ZNF177: variants seen among roughly 807,000 people sequenced by gnomAD.
The protein encoded by ZNF177 is zinc finger protein 177.
In ZNF177, 17 loss-of-function variants were observed where a neutral mutation model predicts 19.4. The observed-to-expected ratio is 0.87, with a 90% CI of 0.60 to 1.31. The LOEUF (loss-of-function observed/expected upper bound fraction) is 1.31, where lower values mean the gene tolerates loss of function less well. ZNF177 is among the 40% of genes most tolerant of loss of function. The probability of loss-of-function intolerance (pLI) is 0.00; values close to 1 mark genes in which losing one functional copy is unlikely to be tolerated. For missense variants in ZNF177, 633 were observed against 561.8 expected (o/e 1.13, Z -1.28); for synonymous variants, 220 against 188.7 (o/e 1.17, Z -1.36).
chr19:9,380,168 C>A, intron 5 of ZNF177, 29 bp downstream of exon 7: 1 of 1,581,044 alleles, frequency 6.3e-7, no homozygotes, highest in Non-Finnish European at 8.6e-7. Context: ...TATTCCTGGT[C>A]TTTGTAGTAG....
chr19:9,372,785 A>G (rs1341931633), upstream of ZNF177, among the ~76,000 whole-genome samples: 3 of 151,746 alleles, frequency 2.0e-5, no homozygotes, highest in African/African-American at 7.3e-5. Context: ...GACCTCAAGC[A>G]ATCCACCCAC....
intron 2 of ZNF177, among the ~76,000 whole-genome samples, chr19:9,369,839 A>T (rs935928104): frequency 1.3e-5 from 2 of 152,124 alleles, no homozygotes; most frequent in African/African-American, 2.4e-5. Flanking sequence ...GTGAGTCCCC[A>T]GTGGAAGAAT....
chr19:9,375,784 C>T (rs1378661773), upstream of ZNF177, among the ~76,000 whole-genome samples: 2 of 152,014 alleles, frequency 1.3e-5, no homozygotes, highest in Admixed American at 6.6e-5. Context: ...TCAGTTTCAT[C>T]GATCTTTTCT....
At position 9,365,394 on chromosome 19, in the gene ZNF177, GAC is replaced by G. The variant is rs576081126; in HGVS notation, c.-305+450_-305+451del. On this transcript the variant is annotated intron_variant, in intron 2 of 8. Coordinates refer to the ZNF177 transcript ENST00000343499. ...TCCAGAAAAGCAGAGAAGGGGTAGA[GAC>G]ACAGAGAGAAGGGACCGGGGGGTTC... is the stretch of plus-strand genomic sequence containing the variant. Among the ~76,000 whole-genome samples the G allele has an allele frequency of 1.5e-4, 23 of 151,954 alleles. No homozygotes were observed. In the South Asian group the frequency reaches 4.8e-3, roughly 32 times the overall value.
chr19:9,364,671 C>T (rs2067953582), intron 1 of ZNF177, among the ~76,000 whole-genome samples, 191 bp from the exon 2 acceptor site: 1 of 152,010 alleles, frequency 6.6e-6, no homozygotes, highest in African/African-American at 2.4e-5. Context: ...ACTGGAGATG[C>T]AAAGTAAAAA....
chr19:9,377,534 C>T (rs772941115), intron 1 of ZNF177, among the ~76,000 whole-genome samples: 30 of 152,116 alleles, frequency 2.0e-4, no homozygotes, highest in Non-Finnish European at 3.2e-4. Context: ...TACTCAAGAT[C>T]CTAACCCTAT....
intron 2 of ZNF177, among the ~76,000 whole-genome samples, chr19:9,371,161 G>T (rs116692747): frequency 0.011 from 1,731 of 152,148 alleles, 18 homozygotes; most frequent in African/African-American, 0.017. Context: ...TCTCTAGTTG[G>T]TTCATCACCA....
At chr19:9,380,748 A>G in exon 6 of ZNF177, 3 of 1,536,126 alleles carry the variant, frequency 2.0e-6, no homozygotes, top group Non-Finnish European at 2.6e-6. Context: ...TTATTTGTAC[A>G]AGATATTGCA....
intron 1 of ZNF177, among the ~76,000 whole-genome samples, chr19:9,364,502 G>A (rs184540805): frequency 6.6e-6 from 1 of 152,072 alleles, no homozygotes; most frequent in African/African-American, 2.4e-5. Flanking sequence ...TCTTTTTGTC[G>A]TGTCGGTGTC....
At chr19:9,381,136 T>C (rs1240587380) in exon 6 of ZNF177, 3 of 1,614,108 alleles carry the variant, frequency 1.9e-6, no homozygotes, top group Admixed American at 1.7e-5. Context: ...CACTGACCCT[T>C]TGTCCCTTCA....
chr19:9,380,491 T>C, intron 5 of ZNF177, 177 bp from the exon 8 acceptor site: 1 of 1,270,570 alleles, frequency 7.9e-7, no homozygotes, highest in Non-Finnish European at 1.1e-6. Flanking sequence ...AGGAGTGAGC[T>C]TATTCAACTC....
chr19:9,378,559 T>A, intron 2 of ZNF177: 1 of 756,654 alleles, frequency 1.3e-6, no homozygotes, highest in South Asian at 1.9e-5. Context: ...TTTTTGAGTA[T>A]GAATTCCATA....
At chr19:9,364,352 T>C (rs1180167083) in intron 1 of ZNF177, among the ~76,000 whole-genome samples, 1 of 152,164 alleles carries the variant, frequency 6.6e-6, no homozygotes, top group Non-Finnish European at 1.5e-5. Context: ...AAGTTTGTGA[T>C]ATGACTGTGA....
intron 2 of ZNF177, among the ~76,000 whole-genome samples, chr19:9,369,015 A>G (rs901252670): frequency 6.6e-6 from 1 of 152,064 alleles, no homozygotes; most frequent in Non-Finnish European, 1.5e-5. Flanking sequence ...TAAGGGGCCC[A>G]TGAGATGTTT....
At chr19:9,369,963 A>C (rs1256044984) in intron 2 of ZNF177, among the ~76,000 whole-genome samples, 3 of 152,118 alleles carry the variant, frequency 2.0e-5, no homozygotes, top group Non-Finnish European at 4.4e-5. Context: ...TTATATAATA[A>C]AGGTTTGCTT....
At chr19:9,370,129 A>G (rs563964678) in intron 2 of ZNF177, among the ~76,000 whole-genome samples, 1 of 152,062 alleles carries the variant, frequency 6.6e-6, no homozygotes, top group African/African-American at 2.4e-5. Context: ...TTGACTCTCC[A>G]TTTATTTTTC....
At chr19:9,376,025 G>A (rs562374674), upstream of ZNF177, among the ~76,000 whole-genome samples, 118 of 151,998 alleles carry the variant, frequency 7.8e-4, no homozygotes, top group African/African-American at 2.6e-3. Flanking sequence ...TTTTACTTTC[G>A]GGCTACATGC....
chr19:9,379,970 G>A, intron 4 of ZNF177, 87 bp from the exon 7 acceptor site: 2 of 1,457,528 alleles, frequency 1.4e-6, no homozygotes, highest in Non-Finnish European at 1.8e-6. Flanking sequence ...GATATTATTT[G>A]AAAACAAATC....
intron 1 of ZNF177, chr19:9,363,351 C>G (rs969836496): frequency 1.3e-5 from 2 of 152,246 alleles, no homozygotes; most frequent in African/African-American, 4.8e-5. Flanking sequence ...TTTCTGTACC[C>G]TTCTCTTTAA....
Sources: allele counts gnomAD v4.1 joint callset (sites outside exome capture counted in the v4.1 genomes callset), GRCh38; gene constraint gnomAD v4.1.1; transcripts MANE v1.5; gene names NCBI Gene and HGNC (gene_info 2026-07-23, HGNC 2026-07-21).